The following LIPF variants were observed in gnomAD, a reference collection of about 807,000 sequenced individuals.
LIPF encodes the protein gastric triacylglycerol lipase.
In LIPF, 25 loss-of-function variants were observed where a neutral mutation model predicts 38.0. That is an observed-to-expected ratio of 0.66 (90% confidence interval 0.48 to 0.92). The LOEUF (loss-of-function observed/expected upper bound fraction) is 0.92. Ranked by LOEUF, LIPF falls within the 40% of genes least tolerant of loss-of-function variation. LIPF has a pLI of 0.00. For missense variants in LIPF, 410 were observed against 469.9 expected, an observed-to-expected ratio of 0.87 and a Z score of 1.18; for synonymous variants, 161 against 156.2, an observed-to-expected ratio of 1.03 and a Z score of -0.23.
intron 6 of LIPF, among the ~76,000 whole-genome samples, chr10:88,672,406 G>A (rs1455333979): frequency 6.6e-6 from 1 of 152,156 alleles, no homozygotes; most frequent in Non-Finnish European, 1.5e-5. Context: ...AAATAAATCA[G>A]TGATTGAGTG....
At chr10:88,670,859 C>A (rs917043559) in intron 5 of LIPF, among the ~76,000 whole-genome samples, 1 of 152,128 alleles carries the variant, frequency 6.6e-6, no homozygotes, top group Non-Finnish European at 1.5e-5. Context: ...GAGGCAGGAG[C>A]AGAGAACCAA....
At chr10:88,675,065 T>C (rs1027555120) in intron 7 of LIPF, among the ~76,000 whole-genome samples, 1 of 152,210 alleles carries the variant, frequency 6.6e-6, no homozygotes, top group South Asian at 2.1e-4. Flanking sequence ...CCAATGAAGA[T>C]GGCCAATTTG....
At chr10:88,668,882 C>T (rs1841554438) in intron 4 of LIPF, 126 bp downstream of exon 4, 2 of 780,986 alleles carry the variant, frequency 2.6e-6, no homozygotes, top group Non-Finnish European at 4.1e-6. Flanking sequence ...CATTTTCATT[C>T]TAATCCATTC....
At position 88,673,653 on chromosome 10, in the gene LIPF, G is replaced by A. The variant is rs1332435310; in HGVS notation, c.735G>A (p.Val245=). Residue 245 remains valine (V), a synonymous_variant, in exon 7 of 10, where the codon GTG becomes GTA. Coordinates refer to ENST00000238983, the MANE Select transcript of LIPF (RefSeq NM_004190.4). ...TTGATCAATTTCTTGCTACTGAAGT[G>A]TGCTCCCGTGAGATGCTGAATCTCC... is the stretch of plus-strand genomic sequence containing the variant. ...NFFDQFLATE[V]CSREMLNLLC... 2 of 1,611,764 alleles carry A rather than the reference G, an allele frequency of 1.2e-6. No homozygotes were observed. The highest frequency in any genetic ancestry group is 2.7e-5 in the African/African-American group (2 of 74,834).
intron 8 of LIPF, 111 bp from the exon 9 acceptor site, chr10:88,676,098 A>G (rs1006174512): frequency 3.2e-6 from 2 of 627,734 alleles, no homozygotes; most frequent in African/African-American, 1.9e-5. Flanking sequence ...AATGAGAAAA[A>G]TGTTTCTTAA....
In LIPF at chr10:88,668,510, T is replaced by C. The variant is rs199783702; in HGVS notation, c.224-48T>C. On this transcript the variant is annotated intron_variant, in intron 3 of 9. Coordinates refer to ENST00000238983, the MANE Select transcript of LIPF (RefSeq NM_004190.4). The stretch of plus-strand genomic sequence containing the variant: ...ACTGTTTCTAGCCTCACATTTATCC[T>C]AGAATAAGGAATACATTTATAAAGT... The C allele has an allele frequency of 1.0e-5, 16 of 1,539,664 alleles. No homozygotes were observed. The East Asian group carries it at 1.6e-4, about 15-fold the overall frequency.
At chr10:88,671,727 T>C (rs1841598804) in intron 5 of LIPF, 102 bp from the exon 6 acceptor site, 1 of 1,474,496 alleles carries the variant, frequency 6.8e-7, no homozygotes, top group Middle Eastern at 1.8e-4. Flanking sequence ...TCAAACACCA[T>C]CCTTAGTAAG....
intron 5 of LIPF, among the ~76,000 whole-genome samples, chr10:88,670,767 T>C (rs889081343): frequency 3.9e-5 from 6 of 152,028 alleles, no homozygotes; most frequent in Non-Finnish European, 8.8e-5. Context: ...TTCACTCTGA[T>C]AAAAAAAGAA....
chr10:88,675,880 C>T (rs960428713), intron 8 of LIPF, among the ~76,000 whole-genome samples: 7 of 152,092 alleles, frequency 4.6e-5, no homozygotes, highest in East Asian at 3.9e-4. Context: ...ATGTGTACAA[C>T]GTGCAGGTTT....
rs1435762716 is a variant in LIPF, at chr10:88,675,672, A to G, written c.888+15A>G. On this transcript the variant is annotated intron_variant, in intron 8 of 9. Coordinates refer to ENST00000238983, the MANE Select transcript of LIPF (RefSeq NM_004190.4). Reference sequence around the variant, plus strand: ...ATTGGACCCAGGTATTCTTTTCCAAATGCTGTTAAAATGTATTTTGTGAGT... The same window carrying G: ...ATTGGACCCAGGTATTCTTTTCCAAGTGCTGTTAAAATGTATTTTGTGAGT... 3 of 1,584,698 alleles carry G rather than the reference A, an allele frequency of 1.9e-6. No homozygotes were observed. Among genetic ancestry groups the G allele is most frequent in the Non-Finnish European group, 2.6e-6 (3 of 1,153,540 alleles).
Position 88,677,158 on chromosome 10 carries a change from G to A in LIPF, c.960+878G>A, listed in dbSNP as rs796946420. Among the ~76,000 whole-genome samples, 10 of 152,232 alleles carry A rather than the reference G, an allele frequency of 6.6e-5. 1 individual carries two copies. Among genetic ancestry groups the A allele is most frequent in the African/African-American group, 2.4e-4 (10 of 41,552 alleles). ...ATGTTTTAACAACAATGTCTTATGT[G>A]TAGAGAAGGTGCCCCCCAACCTTGA... On this transcript the variant is annotated intron_variant, in intron 9 of 9. Transcript: ENST00000238983.
intron 5 of LIPF, 45 bp from the exon 6 acceptor site, chr10:88,671,783 CA>C (rs1338777547): frequency 1.0e-5 from 16 of 1,570,338 alleles, no homozygotes; most frequent in South Asian, 6.1e-5. Flanking sequence ...ACAACAACAA[CA>C]ACACACACAC....
intron 9 of LIPF, among the ~76,000 whole-genome samples, chr10:88,676,995 C>A (rs1590115402): frequency 6.6e-6 from 1 of 152,178 alleles, no homozygotes; most frequent in East Asian, 1.9e-4. Flanking sequence ...TATTTTTGAA[C>A]AAGGGAAGCA....
rs377460827 is a variant in LIPF, at chr10:88,671,968, A to G, written c.669+3A>G. The G allele has an allele frequency of 2.7e-5, 44 of 1,604,074 alleles. No individual in the cohort carries two copies. Among genetic ancestry groups the G allele is most frequent in the Non-Finnish European group, 3.4e-5 (40 of 1,176,322 alleles). ...TTGTTCCTCAATCCCTCTTCAAGGT[A>G]TGCAATTCTCTTTAATTAAGTGAAT... On this transcript the variant is annotated splice_donor_region_variant and intron_variant, in intron 6 of 9. Coordinates refer to ENST00000238983, the MANE Select transcript of LIPF (RefSeq NM_004190.4).
In LIPF at chr10:88,668,773, A is replaced by G. The variant is rs1414157287; in HGVS notation, c.422+17A>G. 1.2e-6 allele frequency: 2 copies of G among 1,606,580 alleles called. No homozygotes were observed. The highest frequency in any genetic ancestry group is 1.7e-5 in the Admixed American group (1 of 59,734). On this transcript the variant is annotated intron_variant, in intron 4 of 9. Transcript: ENST00000238983. Reference sequence around the variant, plus strand: ...GGCTTTCAGGTAAACAAAAGGGACAATTAAAAATAAACACTGGGCTTTAAA... The same window carrying G: ...GGCTTTCAGGTAAACAAAAGGGACAGTTAAAAATAAACACTGGGCTTTAAA...
chr10:88,670,251 A>G (rs1841574476), intron 5 of LIPF, among the ~76,000 whole-genome samples: 1 of 152,170 alleles, frequency 6.6e-6, no homozygotes, highest in Non-Finnish European at 1.5e-5. Context: ...ATTTGACCAT[A>G]TTTATGGGGC....
chr10:88,675,304 A>T (rs1252436000), intron 7 of LIPF, among the ~76,000 whole-genome samples: 3 of 152,172 alleles, frequency 2.0e-5, no homozygotes, highest in Non-Finnish European at 1.5e-5. Context: ...TTCTGTGTGG[A>T]TCTTGGACAT....
rs749111179 is a variant in LIPF at position 88,668,586 on chromosome 10, T to C, written c.252T>C (p.His84=). 4.3e-6 allele frequency: 7 copies of C among 1,614,076 alleles called. No individual in the cohort carries two copies. Among genetic ancestry groups the C allele is most frequent in the South Asian group, 2.2e-5 (2 of 91,084 alleles). Residue 84 remains histidine (H), a synonymous_variant, in exon 4 of 10, where the codon CAT becomes CAC. Coordinates refer to ENST00000238983, the MANE Select transcript of LIPF (RefSeq NM_004190.4). The part of the protein sequence containing the change: ...TGQRPVVFLQ[H]GLLASATNWI... ...AGAGACCTGTTGTGTTTTTGCAGCA[T>C]GGTTTGCTTGCATCAGCCACAAACT...
chr10:88,667,094 C>T (rs996455589), intron 1 of LIPF, among the ~76,000 whole-genome samples, 193 bp from the exon 2 acceptor site: 1 of 151,878 alleles, frequency 6.6e-6, no homozygotes, highest in Non-Finnish European at 1.5e-5. Flanking sequence ...AAAGCTTAAA[C>T]ATGTTAAGCA....
Sources: allele counts gnomAD v4.1 joint callset (sites outside exome capture counted in the v4.1 genomes callset), GRCh38; gene constraint gnomAD v4.1.1; transcripts MANE v1.5; gene names NCBI Gene and HGNC (gene_info 2026-07-23, HGNC 2026-07-21).